The following NUDT3 variants were observed in gnomAD, a reference collection of about 807,000 sequenced individuals.
NUDT3 encodes the protein diphosphoinositol polyphosphate phosphohydrolase 1.
In NUDT3, 9 loss-of-function variants were observed where a neutral mutation model predicts 23.6. That is an observed-to-expected ratio of 0.38 (90% CI 0.23 to 0.66). The LOEUF (loss-of-function observed/expected upper bound fraction) is 0.66, where lower values mean the gene tolerates loss of function less well. Ranked by LOEUF, NUDT3 falls within the 30% of genes least tolerant of loss-of-function variation. The probability of loss-of-function intolerance (pLI) is 0.52; values close to 1 mark genes in which losing one functional copy is unlikely to be tolerated. For synonymous variants in NUDT3, 86 were observed against 82.6 expected (o/e 1.04, Z -0.22); for missense variants, 172 against 218.5 (o/e 0.79, Z 1.34).
intron 2 of NUDT3, among the ~76,000 whole-genome samples, chr6:34,297,928 T>C (rs1007067125): frequency 3.3e-5 from 5 of 150,566 alleles, no homozygotes; most frequent in African/African-American, 1.2e-4. Flanking sequence ...CATTCACCTT[T>C]CTCCTCCACA....
At chr6:34,348,045 TC>T (rs1414265793) in intron 1 of NUDT3, among the ~76,000 whole-genome samples, 1 of 151,942 alleles carries the variant, frequency 6.6e-6, no homozygotes, top group Non-Finnish European at 1.5e-5. Context: ...ATGCCTGTAA[TC>T]CTAGCACTTT....
chr6:34,361,776 C>G (rs1233830716), intron 1 of NUDT3, among the ~76,000 whole-genome samples: 1 of 152,154 alleles, frequency 6.6e-6, no homozygotes, highest in Non-Finnish European at 1.5e-5. Flanking sequence ...AGGCCACATA[C>G]TGTAAGATTC....
At chr6:34,318,417 C>G (rs1763892497) in intron 2 of NUDT3, among the ~76,000 whole-genome samples, 1 of 152,154 alleles carries the variant, frequency 6.6e-6, no homozygotes. Flanking sequence ...TGCCAGATTC[C>G]ACTCTATATA....
chr6:34,308,745 T>C (rs956919309), intron 2 of NUDT3, among the ~76,000 whole-genome samples: 4 of 152,126 alleles, frequency 2.6e-5, no homozygotes, highest in African/African-American at 9.7e-5. Flanking sequence ...CAAGATGACA[T>C]AATAATCCTT....
chr6:34,384,614 T>C (rs192368927), intron 1 of NUDT3, among the ~76,000 whole-genome samples: 34 of 152,292 alleles, frequency 2.2e-4, no homozygotes, highest in Admixed American at 2.2e-3. Flanking sequence ...AGGGCCAAAG[T>C]TGAATAATAT....
intron 1 of NUDT3, among the ~76,000 whole-genome samples, chr6:34,380,425 TC>T (rs1764995138): frequency 6.6e-6 from 1 of 152,074 alleles, no homozygotes; most frequent in Non-Finnish European, 1.5e-5. Flanking sequence ...CGACCATGGC[TC>T]ACTGCAGCCT....
intron 1 of NUDT3, among the ~76,000 whole-genome samples, chr6:34,371,667 T>C (rs1764832088): frequency 6.6e-6 from 1 of 152,196 alleles, no homozygotes; most frequent in African/African-American, 2.4e-5. Context: ...TTCTTATTAA[T>C]GAGCACTGGG....
chr6:34,312,701 C>T (rs1054664580), intron 2 of NUDT3, among the ~76,000 whole-genome samples: 4 of 152,182 alleles, frequency 2.6e-5, no homozygotes, highest in Non-Finnish European at 4.4e-5. Flanking sequence ...ACTAAAACCA[C>T]ACTGTCCTGA....
At chr6:34,327,213 C>T (rs1265101569) in intron 2 of NUDT3, among the ~76,000 whole-genome samples, 2 of 152,006 alleles carry the variant, frequency 1.3e-5, no homozygotes, top group Non-Finnish European at 2.9e-5. Flanking sequence ...CATACGTCAG[C>T]GTTTTCTTCT....
At chr6:34,345,260 G>A (rs1163217740) in intron 1 of NUDT3, among the ~76,000 whole-genome samples, 1 of 151,714 alleles carries the variant, frequency 6.6e-6, no homozygotes, top group African/African-American at 2.4e-5. Context: ...GTGTTGGCCA[G>A]GCTGGTCTTG....
At chr6:34,344,020 A>T (rs1764327576) in intron 1 of NUDT3, among the ~76,000 whole-genome samples, 1 of 152,252 alleles carries the variant, frequency 6.6e-6, no homozygotes, top group Non-Finnish European at 1.5e-5. Context: ...CTATAATTCA[A>T]TCAACCAAAC....
At chr6:34,354,435 A>ACACACT (rs1210510268) in intron 1 of NUDT3, among the ~76,000 whole-genome samples, 2 of 146,864 alleles carry the variant, frequency 1.4e-5, no homozygotes, top group African/African-American at 5.1e-5. Flanking sequence ...ACACATACAC[A>ACACACT]CTCTTGGCCG....
At chr6:34,337,764 G>A (rs763729218) in intron 2 of NUDT3, among the ~76,000 whole-genome samples, 42 of 152,320 alleles carry the variant, frequency 2.8e-4, no homozygotes, top group Middle Eastern at 3.4e-3. Context: ...AACTGCCAGA[G>A]ATATTCCAAC....
intron 2 of NUDT3, among the ~76,000 whole-genome samples, chr6:34,329,443 G>C: frequency 6.6e-6 from 1 of 152,010 alleles, no homozygotes; most frequent in Non-Finnish European, 1.5e-5. Context: ...ACCACGCCTG[G>C]CTAATTTTTG....
intron 4 of NUDT3, 57 bp downstream of exon 4, chr6:34,293,394 G>C: frequency 6.2e-7 from 1 of 1,600,936 alleles, no homozygotes; most frequent in East Asian, 2.2e-5. Context: ...CATGACCTGT[G>C]GCATGGCAAG....
intron 2 of NUDT3, among the ~76,000 whole-genome samples, chr6:34,297,760 A>ATATATATATTTTTTT (rs1763535832): frequency 2.1e-4 from 11 of 53,624 alleles, no homozygotes; most frequent in Non-Finnish European, 3.1e-4. Context: ...TATATATATA[A>ATATATATATTTTTTT]TTTTTTTTTT....
chr6:34,377,577 T>C (rs534416355), intron 1 of NUDT3, among the ~76,000 whole-genome samples: 249 of 152,302 alleles, frequency 1.6e-3, no homozygotes, highest in African/African-American at 5.6e-3. Context: ...CTCATGCCTA[T>C]AATCCCAGCA....
At position 34,336,708 on chromosome 6, in the gene NUDT3, T is replaced by C. The variant is rs114204810; in HGVS notation, c.210+5154A>G. On this transcript the variant is annotated intron_variant, in intron 2 of 4. Transcript: ENST00000607016. ...TAGTTTTTCACAAGACTTTTTTTCA[T>C]TGAAGAGCTTTATAAAGTTTTTTTT... Among the ~76,000 whole-genome samples the C allele has an allele frequency of 3.5e-3, 529 of 152,248 alleles. 2 individuals carry two copies. Among genetic ancestry groups the C allele is most frequent in the African/African-American group, 0.012 (510 of 41,558 alleles).
chr6:34,386,051 T>C (rs1179265867), intron 1 of NUDT3, among the ~76,000 whole-genome samples: 1 of 152,194 alleles, frequency 6.6e-6, no homozygotes, highest in Non-Finnish European at 1.5e-5. Flanking sequence ...ACAATGAACA[T>C]AAACAGATAA....
Sources: allele counts gnomAD v4.1 joint callset (sites outside exome capture counted in the v4.1 genomes callset), GRCh38; gene constraint gnomAD v4.1.1; transcripts MANE v1.5; gene names NCBI Gene and HGNC (gene_info 2026-07-23, HGNC 2026-07-21).